The following IL1RAPL2 variants were observed in gnomAD, a reference collection of about 807,000 sequenced individuals.
The protein encoded by IL1RAPL2 is X-linked interleukin-1 receptor accessory protein-like 2.
Under a neutral mutation model 44.1 loss-of-function variants are expected in IL1RAPL2, and 3 were observed. The observed-to-expected ratio is 0.07, with a 90% CI of 0.03 to 0.18. The LOEUF is 0.18. Among genes scored for constraint, IL1RAPL2 ranks in the 10% least tolerant of loss-of-function variants. The probability of loss-of-function intolerance (pLI) is 1.00; values close to 1 mark genes in which losing one functional copy is unlikely to be tolerated. For synonymous variants in IL1RAPL2, 181 were observed against 178.8 expected (o/e 1.01, Z -0.10); for missense variants, 391 against 496.4 (o/e 0.79, Z 2.02).
intron 1 of IL1RAPL2, among the ~76,000 whole-genome samples, chrX:104,591,290 C>T (rs1318897385): frequency 1.8e-5 from 2 of 110,766 alleles, no homozygotes; most frequent in African/African-American, 6.6e-5. Context: ...TATGTGCCCA[C>T]CTCCCCACTC....
At chrX:104,608,630 TG>T (rs2148003217) in intron 1 of IL1RAPL2, among the ~76,000 whole-genome samples, 1 of 107,894 alleles carries the variant, frequency 9.3e-6, no homozygotes, top group African/African-American at 3.4e-5. Context: ...TTTTAAAGTC[TG>T]TTTTTTTAGA....
chrX:105,173,728 C>CTT (rs371654989), intron 2 of IL1RAPL2, among the ~76,000 whole-genome samples: 15 of 99,253 alleles, frequency 1.5e-4, no homozygotes, highest in African/African-American at 5.2e-4. Flanking sequence ...ACTGCTGCTT[C>CTT]TTTTTTTTTT....
chrX:104,691,640 A>G (rs1263461883), intron 2 of IL1RAPL2, among the ~76,000 whole-genome samples: 2 of 112,004 alleles, frequency 1.8e-5, no homozygotes, highest in Non-Finnish European at 1.9e-5. Flanking sequence ...AGACAGAGGA[A>G]CACCAGAAGC....
At chrX:104,818,772 A>G (rs777084946) in intron 2 of IL1RAPL2, among the ~76,000 whole-genome samples, 19 of 100,213 alleles carry the variant, frequency 1.9e-4, no homozygotes, top group Non-Finnish European at 3.4e-4. Flanking sequence ...TTTATAATAT[A>G]GAAAGTTATA....
chrX:105,694,368 A>G (rs2038060340), intron 6 of IL1RAPL2, among the ~76,000 whole-genome samples: 1 of 112,142 alleles, frequency 8.9e-6, no homozygotes, highest in Non-Finnish European at 1.9e-5. Context: ...GAGAATTTCA[A>G]AACATACTTA....
intron 2 of IL1RAPL2, among the ~76,000 whole-genome samples, chrX:105,180,543 A>G (rs1454047765): frequency 9.0e-6 from 1 of 111,261 alleles, no homozygotes; most frequent in African/African-American, 3.3e-5. Flanking sequence ...GTTTTTCATC[A>G]TAAAGAGATG....
intron 6 of IL1RAPL2, among the ~76,000 whole-genome samples, chrX:105,519,455 G>A (rs918579840): frequency 1.8e-5 from 2 of 111,260 alleles, no homozygotes; most frequent in Non-Finnish European, 3.8e-5. Context: ...TCAGTGCAGG[G>A]TCTGGACTGG....
chrX:105,382,806 C>A (rs1449598410), intron 5 of IL1RAPL2, among the ~76,000 whole-genome samples: 2 of 107,728 alleles, frequency 1.9e-5, no homozygotes, highest in African/African-American at 7.1e-5. Context: ...ATGATGAGTT[C>A]ATGTCCTTTG....
intron 6 of IL1RAPL2, among the ~76,000 whole-genome samples, chrX:105,538,553 T>G (rs759324065): frequency 8.9e-6 from 1 of 112,075 alleles, no homozygotes; most frequent in Non-Finnish European, 1.9e-5. Context: ...TTAAGATATA[T>G]TCACATTACC....
At chrX:104,907,185 TTCTC>T (rs1355675793) in intron 2 of IL1RAPL2, among the ~76,000 whole-genome samples, 4 of 111,839 alleles carry the variant, frequency 3.6e-5, no homozygotes, top group African/African-American at 9.8e-5. Context: ...TATTTGATTC[TTCTC>T]TCTCTTTTTC....
chrX:105,029,235 T>C (rs2031432660), intron 2 of IL1RAPL2, among the ~76,000 whole-genome samples: 1 of 107,554 alleles, frequency 9.3e-6, no homozygotes, highest in African/African-American at 3.3e-5. Context: ...ATTTTTTATT[T>C]TTTATTTATT....
At chrX:105,408,546 T>G (rs1244133314) in intron 5 of IL1RAPL2, among the ~76,000 whole-genome samples, 1 of 111,395 alleles carries the variant, frequency 9.0e-6, no homozygotes. Flanking sequence ...TACATATGCA[T>G]AGTGGGAGGA....
At chrX:104,621,716 A>C (rs1929404818) in intron 1 of IL1RAPL2, among the ~76,000 whole-genome samples, 1 of 111,162 alleles carries the variant, frequency 9.0e-6, no homozygotes, top group Non-Finnish European at 1.9e-5. Flanking sequence ...CAATCAGGAG[A>C]CAAATTGATA....
chrX:104,990,132 T>A (rs187094727), intron 2 of IL1RAPL2, among the ~76,000 whole-genome samples: 1 of 112,164 alleles, frequency 8.9e-6, no homozygotes, highest in Non-Finnish European at 1.9e-5. Flanking sequence ...ATCCTACCTC[T>A]TACATCACCA....
intron 3 of IL1RAPL2, among the ~76,000 whole-genome samples, chrX:105,217,946 G>A (rs915863966): frequency 5.4e-5 from 6 of 111,089 alleles, no homozygotes; most frequent in Non-Finnish European, 1.1e-4. Context: ...GGCCTGTCAG[G>A]GGATGGGGTG....
rs187623570 is a variant in IL1RAPL2, at chrX:105,168,507, A to G, written c.83-26968A>G. On this transcript the variant is annotated intron_variant, in intron 2 of 10. Coordinates refer to ENST00000372582, the MANE Select transcript of IL1RAPL2 (RefSeq NM_017416.2). The stretch of plus-strand genomic sequence containing the variant: ...GGGAAGGAGGAAGAGAGAGAGAGAG[A>G]AAGAGAGAGATGGATTAAAAGTATT... Among the ~76,000 whole-genome samples the G allele has an allele frequency of 3.0e-3, 318 of 107,396 alleles. 3 individuals are homozygous for G. Among genetic ancestry groups the G allele is most frequent in the African/African-American group, 0.01 (300 of 29,204 alleles). The allele number at this position is 107,396 out of a possible 115,157, so 93.3% of individuals were successfully genotyped here.
At chrX:105,083,179 G>A (rs1381920978) in intron 2 of IL1RAPL2, among the ~76,000 whole-genome samples, 4 of 110,722 alleles carry the variant, frequency 3.6e-5, no homozygotes, top group Admixed American at 9.7e-5. Context: ...TAGCTGAATC[G>A]ATCAAGCAGA....
At chrX:105,268,604 A>G (rs1229352559) in intron 5 of IL1RAPL2, among the ~76,000 whole-genome samples, 1 of 67,330 alleles carries the variant, frequency 1.5e-5, no homozygotes, top group Admixed American at 1.4e-4. Flanking sequence ...TGTCTCTACT[A>G]AAAAAAAAAA....
intron 2 of IL1RAPL2, among the ~76,000 whole-genome samples, chrX:105,098,646 A>G (rs2032632887): frequency 1.8e-5 from 2 of 112,297 alleles, no homozygotes; most frequent in African/African-American, 6.5e-5. Flanking sequence ...TTCACAAAGC[A>G]TCAGACTGAA....
Sources: gnomAD v4.1 joint callset for allele counts (sites outside exome capture counted in the v4.1 genomes callset) on GRCh38, gnomAD v4.1.1 for gene constraint, MANE v1.5 for transcripts, NCBI Gene and HGNC (gene_info 2026-07-23, HGNC 2026-07-21) for gene names.